Variants in IL1RAPL2 observed in about 807,000 individuals in gnomAD.
The protein encoded by IL1RAPL2 is interleukin 1 receptor accessory protein like 2, also known as X-linked interleukin-1 receptor accessory protein-like 2.
IL1RAPL2 carries 3 observed loss-of-function variants against 44.1 expected under a neutral mutation model. The ratio of observed to expected loss-of-function variants is 0.07; its 90% CI spans 0.03 to 0.18. IL1RAPL2 has a LOEUF of 0.18. IL1RAPL2 is among the 10% of genes least tolerant of loss of function. IL1RAPL2 has a pLI of 1.00. For missense variants in IL1RAPL2, 391 were observed against 496.4 expected, an observed-to-expected ratio of 0.79 and a Z score of 2.02; for synonymous variants, 181 against 178.8, an observed-to-expected ratio of 1.01 and a Z score of -0.10.
chrX:104,948,211 C>A (rs1045487668), intron 2 of IL1RAPL2, among the ~76,000 whole-genome samples: 7 of 107,252 alleles, frequency 6.5e-5, no homozygotes, highest in Admixed American at 6.1e-4. Context: ...TGATTTGGCT[C>A]TCTGTTTGTC....
At chrX:105,136,320 G>C (rs145101342) in intron 2 of IL1RAPL2, among the ~76,000 whole-genome samples, 1,748 of 111,596 alleles carry the variant, frequency 0.016, 16 homozygotes, top group Non-Finnish European at 0.025. Flanking sequence ...ATTTTCTCTG[G>C]TATTAATTTT....
At chrX:104,872,836 A>G (rs1281098248) in intron 2 of IL1RAPL2, among the ~76,000 whole-genome samples, 2 of 111,359 alleles carry the variant, frequency 1.8e-5, no homozygotes, top group African/African-American at 6.5e-5. Context: ...TCTACAGAAA[A>G]TATTCTCATA....
chrX:105,369,506 T>C (rs1475001988), intron 5 of IL1RAPL2, among the ~76,000 whole-genome samples: 2 of 111,437 alleles, frequency 1.8e-5, no homozygotes, highest in Non-Finnish European at 3.8e-5. Flanking sequence ...TGTTCCAGCT[T>C]TTCCTTTCCT....
At chrX:104,985,834 C>T (rs899664948) in intron 2 of IL1RAPL2, among the ~76,000 whole-genome samples, 2 of 112,244 alleles carry the variant, frequency 1.8e-5, no homozygotes, top group Non-Finnish European at 1.9e-5. Flanking sequence ...GAGATCCAGA[C>T]GCATTACATT....
At chrX:105,428,009 AAAT>A (rs2035822411) in intron 5 of IL1RAPL2, among the ~76,000 whole-genome samples, 1 of 112,237 alleles carries the variant, frequency 8.9e-6, no homozygotes, top group Non-Finnish European at 1.9e-5. Flanking sequence ...GGAAAAATGA[AAAT>A]AAAATAGAAA....
At chrX:104,860,628 C>G (rs1239141185) in intron 2 of IL1RAPL2, among the ~76,000 whole-genome samples, 1 of 110,661 alleles carries the variant, frequency 9.0e-6, no homozygotes, top group Non-Finnish European at 1.9e-5. Context: ...ACCAGTTGAG[C>G]ATCCCTAATT....
chrX:104,951,551 C>T (rs1315826438), intron 2 of IL1RAPL2, among the ~76,000 whole-genome samples: 1 of 112,088 alleles, frequency 8.9e-6, no homozygotes. Flanking sequence ...CAAATAAAAC[C>T]CATTTCATGA....
chrX:104,848,432 T>C (rs1177183358), intron 2 of IL1RAPL2, among the ~76,000 whole-genome samples: 2 of 95,674 alleles, frequency 2.1e-5, no homozygotes, highest in African/African-American at 7.9e-5. Flanking sequence ...TATATATATA[T>C]ATATATATAT....
intron 2 of IL1RAPL2, among the ~76,000 whole-genome samples, chrX:105,183,544 G>T (rs1390123761): frequency 9.0e-6 from 1 of 111,557 alleles, no homozygotes; most frequent in East Asian, 2.9e-4. Context: ...GGGAGAACTT[G>T]TCATCAAGTC....
intron 6 of IL1RAPL2, among the ~76,000 whole-genome samples, chrX:105,700,808 T>A (rs1365013426): frequency 9.0e-6 from 1 of 111,562 alleles, no homozygotes; most frequent in Non-Finnish European, 1.9e-5. Flanking sequence ...ATCATGTTGA[T>A]TTGATAAGCA....
chrX:104,655,412 T>C (rs1930235541), intron 1 of IL1RAPL2, among the ~76,000 whole-genome samples: 1 of 111,979 alleles, frequency 8.9e-6, no homozygotes, highest in African/African-American at 3.2e-5. Flanking sequence ...AGGCCTCTTC[T>C]GCATCTATTG....
intron 7 of IL1RAPL2, among the ~76,000 whole-genome samples, chrX:105,727,130 T>C (rs1470823361): frequency 9.0e-6 from 1 of 111,587 alleles, no homozygotes; most frequent in Non-Finnish European, 1.9e-5. Context: ...CCAGAAACTC[T>C]GCAAGACACC....
intron 1 of IL1RAPL2, among the ~76,000 whole-genome samples, chrX:104,635,794 T>G (rs1209699920): frequency 4.5e-5 from 5 of 111,824 alleles, no homozygotes; most frequent in Non-Finnish European, 1.9e-5. Context: ...TCGAACTTCC[T>G]CCTTTAGCTC....
At chrX:105,143,095 G>A (rs936484022) in intron 2 of IL1RAPL2, among the ~76,000 whole-genome samples, 2 of 111,207 alleles carry the variant, frequency 1.8e-5, no homozygotes, top group Non-Finnish European at 3.8e-5. Flanking sequence ...TTGACAAATG[G>A]GGTCTAATTA....
chrX:104,588,110 A>C (rs763163735), intron 1 of IL1RAPL2, among the ~76,000 whole-genome samples: 1 of 111,943 alleles, frequency 8.9e-6, no homozygotes, highest in African/African-American at 3.2e-5. Flanking sequence ...CTGCCTCTCT[A>C]CTCATTGTAG....
chrX:105,553,603 T>G (rs1198539069), intron 6 of IL1RAPL2, among the ~76,000 whole-genome samples: 1 of 112,390 alleles, frequency 8.9e-6, no homozygotes, highest in Non-Finnish European at 1.9e-5. Context: ...TATATTTATT[T>G]TAAAATTACC....
chrX:104,574,229 A>G (rs1455449732), intron 1 of IL1RAPL2, among the ~76,000 whole-genome samples: 3 of 111,541 alleles, frequency 2.7e-5, no homozygotes, highest in Non-Finnish European at 5.7e-5. Flanking sequence ...TCTGTGACAC[A>G]TAACAATGGG....
At chrX:105,751,198 C>A (rs1387103884) in intron 9 of IL1RAPL2, among the ~76,000 whole-genome samples, 1 of 110,391 alleles carries the variant, frequency 9.1e-6, no homozygotes, top group Non-Finnish European at 1.9e-5. Context: ...TCGCTTGAAT[C>A]CAGGAGTTCA....
chrX:105,603,046 G>A (rs2037265618), intron 6 of IL1RAPL2, among the ~76,000 whole-genome samples: 1 of 109,859 alleles, frequency 9.1e-6, no homozygotes. Flanking sequence ...AGAAAAAAAG[G>A]AATAAAAAAT....
Sources: gnomAD v4.1 joint callset for allele counts (sites outside exome capture counted in the v4.1 genomes callset) on GRCh38, gnomAD v4.1.1 for gene constraint, MANE v1.5 for transcripts, NCBI Gene and HGNC (gene_info 2026-07-23, HGNC 2026-07-21) for gene names.